EPHA3: variants seen among roughly 807,000 people sequenced by gnomAD.
EPHA3 encodes ephrin type-A receptor 3.
In EPHA3, 42 loss-of-function variants were observed where a neutral mutation model predicts 107.1. The ratio of observed to expected loss-of-function variants is 0.39; its 90% CI spans 0.31 to 0.51. The LOEUF is 0.51. EPHA3 is among the 20% of genes least tolerant of loss of function. The pLI is 0.78. For missense variants in EPHA3, 1,183 were observed against 1,211.2 expected (o/e 0.98, Z 0.35); for synonymous variants, 461 against 424.8 (o/e 1.09, Z -1.05).
intron 3 of EPHA3, among the ~76,000 whole-genome samples, chr3:89,339,849 C>A (rs1460165578): frequency 6.6e-6 from 1 of 152,054 alleles, no homozygotes; most frequent in Non-Finnish European, 1.5e-5. Flanking sequence ...ATCATCAAGT[C>A]CAAATGTGGC....
chr3:89,240,861 ATAGAG>A (rs1479130766), intron 3 of EPHA3, among the ~76,000 whole-genome samples: 3 of 152,144 alleles, frequency 2.0e-5, no homozygotes, highest in East Asian at 1.9e-4. Context: ...AATAATTATT[ATAGAG>A]TAAACTCTGA....
chr3:89,247,279 A>G (rs1271192285), intron 3 of EPHA3, among the ~76,000 whole-genome samples: 1 of 152,192 alleles, frequency 6.6e-6, no homozygotes, highest in Non-Finnish European at 1.5e-5. Flanking sequence ...TAATTCTAAA[A>G]AGCAGATAAA....
At chr3:89,181,655 G>T (rs1333256381) in intron 2 of EPHA3, among the ~76,000 whole-genome samples, 1 of 151,978 alleles carries the variant, frequency 6.6e-6, no homozygotes, top group Admixed American at 6.6e-5. Flanking sequence ...TTGTCCTTCA[G>T]AATTATGAGA....
At chr3:89,305,406 G>A (rs1415694420) in intron 3 of EPHA3, among the ~76,000 whole-genome samples, 1 of 152,146 alleles carries the variant, frequency 6.6e-6, no homozygotes, top group Non-Finnish European at 1.5e-5. Context: ...ATTCTGTGAA[G>A]ACTTGCACAT....
At chr3:89,141,872 G>A (rs559078532) in intron 2 of EPHA3, among the ~76,000 whole-genome samples, 7 of 151,136 alleles carry the variant, frequency 4.6e-5, no homozygotes, top group Non-Finnish European at 1.0e-4. Context: ...TTGTTTCATG[G>A]CCCCTATATT....
rs376111047 is a variant in EPHA3, at chr3:89,370,050, A to C, written c.1307-25787A>C. Among the ~76,000 whole-genome samples the C allele has an allele frequency of 5.5e-3, 817 of 148,554 alleles. 34 individuals are homozygous for C. Among genetic ancestry groups the C allele is most frequent in the African/African-American group, 0.017 (664 of 39,208 alleles). On this transcript the variant is annotated intron_variant, in intron 5 of 16. Coordinates refer to ENST00000336596, the MANE Select transcript of EPHA3 (RefSeq NM_005233.6). The stretch of plus-strand genomic sequence containing the variant: ...GTGGAGAAATAGGAACACTTTTACA[A>C]TGTTGGTGGGACTGTAAACTAGTTC...
At chr3:89,262,313 TGGAG>T (rs1705435218) in intron 3 of EPHA3, among the ~76,000 whole-genome samples, 2 of 152,224 alleles carry the variant, frequency 1.3e-5, no homozygotes, top group African/African-American at 2.4e-5. Flanking sequence ...TTAATTGTTC[TGGAG>T]GCTAGAAGTC....
At chr3:89,203,899 A>G (rs1055220595) in intron 2 of EPHA3, among the ~76,000 whole-genome samples, 3 of 152,156 alleles carry the variant, frequency 2.0e-5, no homozygotes, top group Non-Finnish European at 4.4e-5. Context: ...GAACTAGAAG[A>G]CAGAGAAGAA....
At chr3:89,428,302 T>A (rs1013289146) in intron 11 of EPHA3, among the ~76,000 whole-genome samples, 1 of 151,972 alleles carries the variant, frequency 6.6e-6, no homozygotes, top group African/African-American at 2.4e-5. Flanking sequence ...TGTGTCTCAG[T>A]TTTCTCATGT....
intron 2 of EPHA3, among the ~76,000 whole-genome samples, chr3:89,207,688 TGTA>T (rs1467133793): frequency 1.4e-4 from 21 of 152,256 alleles, no homozygotes; most frequent in African/African-American, 4.6e-4. Flanking sequence ...TGGAGAAAAA[TGTA>T]GGAACACATT....
intron 3 of EPHA3, among the ~76,000 whole-genome samples, chr3:89,239,017 T>A (rs546476326): frequency 1.3e-5 from 2 of 152,290 alleles, no homozygotes; most frequent in South Asian, 4.1e-4. Flanking sequence ...TATAAATACA[T>A]CTTAAATTTG....
chr3:89,286,970 A>G (rs988935868), intron 3 of EPHA3, among the ~76,000 whole-genome samples: 11 of 152,096 alleles, frequency 7.2e-5, no homozygotes, highest in Admixed American at 1.3e-4. Flanking sequence ...CTCACTTTAT[A>G]TCATCTTTTT....
intron 3 of EPHA3, among the ~76,000 whole-genome samples, chr3:89,317,369 T>C (rs1201959516): frequency 6.6e-6 from 1 of 151,744 alleles, no homozygotes. Context: ...TCTGGATGTG[T>C]TTAAATCTGG....
At chr3:89,427,767 T>A (rs1268464288) in intron 11 of EPHA3, among the ~76,000 whole-genome samples, 28 of 151,882 alleles carry the variant, frequency 1.8e-4, no homozygotes, top group Admixed American at 1.8e-3. Flanking sequence ...ATGGGAATAA[T>A]GCATATTGCT....
At chr3:89,380,016 G>T (rs1245880783) in intron 5 of EPHA3, among the ~76,000 whole-genome samples, 1 of 152,114 alleles carries the variant, frequency 6.6e-6, no homozygotes, top group East Asian at 1.9e-4. Context: ...GGGTGGGGTT[G>T]TCAGGCATAT....
intron 3 of EPHA3, among the ~76,000 whole-genome samples, chr3:89,332,554 A>G (rs1707311223): frequency 6.6e-6 from 1 of 152,206 alleles, no homozygotes; most frequent in Non-Finnish European, 1.5e-5. Flanking sequence ...CTTCCAGTGT[A>G]TTGAAATGCC....
chr3:89,378,977 G>A (rs1345242245), intron 5 of EPHA3, among the ~76,000 whole-genome samples: 4 of 151,962 alleles, frequency 2.6e-5, no homozygotes, highest in East Asian at 1.9e-4. Flanking sequence ...AAATAGAATC[G>A]CTCCAAAATT....
chr3:89,218,752 G>C (rs879282744), intron 3 of EPHA3, among the ~76,000 whole-genome samples: 9 of 152,292 alleles, frequency 5.9e-5, no homozygotes, highest in Middle Eastern at 6.8e-3. Flanking sequence ...TTGGCCATCA[G>C]AGAAATGCAA....
chr3:89,339,423 T>C (rs1241742549), intron 3 of EPHA3, among the ~76,000 whole-genome samples: 1 of 150,230 alleles, frequency 6.7e-6, no homozygotes, highest in Non-Finnish European at 1.5e-5. Context: ...GTTAGGGCAG[T>C]AGAATTGACT....
Sources: allele counts gnomAD v4.1 joint callset (sites outside exome capture counted in the v4.1 genomes callset), GRCh38; gene constraint gnomAD v4.1.1; transcripts MANE v1.5; gene names NCBI Gene and HGNC (gene_info 2026-07-23, HGNC 2026-07-21).